The following PARN variants were observed in gnomAD, a reference collection of about 807,000 sequenced individuals.
PARN encodes the protein poly(A)-specific ribonuclease.
Under a neutral mutation model 102.8 loss-of-function variants are expected in PARN, and 71 were observed. That is an observed-to-expected ratio of 0.69 (90% confidence interval 0.57 to 0.84). PARN has a LOEUF of 0.84. Ranked by LOEUF, PARN falls within the 40% of genes least tolerant of loss-of-function variation. The pLI, the probability that PARN is intolerant of heterozygous loss-of-function variation, is 0.00. For synonymous variants in PARN, 261 were observed against 252.9 expected, an observed-to-expected ratio of 1.03 and a Z score of -0.30; for missense variants, 782 against 760.9, an observed-to-expected ratio of 1.03 and a Z score of -0.33.
At chr16:14,535,404 A>T (rs1966567770) in intron 21 of PARN, among the ~76,000 whole-genome samples, 1 of 152,234 alleles carries the variant, frequency 6.6e-6, no homozygotes, top group Admixed American at 6.5e-5. Flanking sequence ...CATCTTTTCT[A>T]AGAAAAGACA....
At chr16:14,577,131 T>C (rs1969192719) in intron 18 of PARN, among the ~76,000 whole-genome samples, 1 of 152,224 alleles carries the variant, frequency 6.6e-6, no homozygotes, top group African/African-American at 2.4e-5. Flanking sequence ...TCCACCCAAA[T>C]TTATGTTAGG....
intron 5 of PARN, among the ~76,000 whole-genome samples, chr16:14,622,188 G>C (rs755746452): frequency 7.9e-5 from 12 of 151,918 alleles, no homozygotes; most frequent in Admixed American, 6.6e-4. Context: ...GTGAGACTCC[G>C]TCTCAAAAAA....
chr16:14,533,275 G>C (rs916227778), intron 21 of PARN, among the ~76,000 whole-genome samples: 1 of 152,130 alleles, frequency 6.6e-6, no homozygotes, highest in Non-Finnish European at 1.5e-5. Flanking sequence ...GCGTGGCGGC[G>C]CGCGCCTGCA....
At chr16:14,598,733 C>A (rs1273367825) in intron 12 of PARN, among the ~76,000 whole-genome samples, 1 of 152,206 alleles carries the variant, frequency 6.6e-6, no homozygotes, top group Non-Finnish European at 1.5e-5. Context: ...GCTCTGTAAA[C>A]CTCTGTTTAT....
At chr16:14,514,857 T>C (rs960196005) in intron 21 of PARN, among the ~76,000 whole-genome samples, 2 of 152,152 alleles carry the variant, frequency 1.3e-5, no homozygotes, top group Non-Finnish European at 2.9e-5. Context: ...TGGTCTGGAA[T>C]AAGCAAGCAT....
intron 12 of PARN, among the ~76,000 whole-genome samples, chr16:14,593,686 T>C (rs1970338411): frequency 6.6e-6 from 1 of 151,932 alleles, no homozygotes; most frequent in Non-Finnish European, 1.5e-5. Flanking sequence ...AAAATTTTGA[T>C]TGAAAAGTTT....
chr16:14,617,605 T>C lies in PARN; in HGVS notation c.373A>G (p.Lys125Glu), dbSNP rs745660294. 2 of 1,570,918 alleles carry C rather than the reference T, an allele frequency of 1.3e-6. No homozygotes were observed. The highest frequency in any genetic ancestry group is 1.8e-6 in the Non-Finnish European group (2 of 1,140,702). ...FLASQGFDFN[K>E]VFRNGIPYLN... ...ATAATCTTACCATTTCGAAAAACTT[T>C]ATTAAAATCAAATCCCTGGCTTGCT... Residue 125 changes from lysine to glutamate, a missense_variant, in exon 6 of 24, where the codon AAA (lysine) becomes GAA (glutamate). Physicochemically the swap from Lys to Glu is moderately conservative, Grantham distance 56. Coordinates refer to ENST00000437198, the MANE Select transcript of PARN (RefSeq NM_002582.4).
intron 22 of PARN, among the ~76,000 whole-genome samples, chr16:14,452,989 T>C (rs1961529896): frequency 6.6e-6 from 1 of 152,272 alleles, no homozygotes; most frequent in African/African-American, 2.4e-5. Flanking sequence ...TGCGTGTGTG[T>C]AGCACTCTCA....
At chr16:14,553,256 TAAAAA>T (rs58411352) in intron 20 of PARN, among the ~76,000 whole-genome samples, 7 of 117,470 alleles carry the variant, frequency 6.0e-5, no homozygotes, top group Non-Finnish European at 1.0e-4. Flanking sequence ...TATTTCTATT[TAAAAA>T]AAAAAAAAAA....
Position 14,614,869 on chromosome 16 carries a change from A to G in PARN, c.388+2721T>C, listed in dbSNP as rs1190855234. Among the ~76,000 whole-genome samples the G allele has an allele frequency of 1.5e-4, 22 of 147,346 alleles. 1 individual carries two copies. The highest frequency in any genetic ancestry group is 1.9e-4 in the East Asian group (1 of 5,156). The stretch of plus-strand genomic sequence containing the variant: ...CTCAAAAAAAAAAAAAAAAAAAAAA[A>G]AAAAAAAAAGAAAAGAAAAGAAAAT... On this transcript the variant is annotated intron_variant, in intron 6 of 23. Coordinates refer to ENST00000437198, the MANE Select transcript of PARN (RefSeq NM_002582.4).
chr16:14,489,253 T>C lies in PARN; in HGVS notation c.1481-6426A>G, dbSNP rs116634519. 3.7e-3 allele frequency among the ~76,000 whole-genome samples: 559 copies of C among 152,172 alleles called. 5 individuals carry two copies. The highest frequency in any genetic ancestry group is 0.013 in the African/African-American group (536 of 41,516). Reference sequence around the variant, plus strand: ...ATGTAATTTATTAGTAATGTTTTAATTCTTTGGTTGAGTGGTGGTTTCACA... The same window carrying C: ...ATGTAATTTATTAGTAATGTTTTAACTCTTTGGTTGAGTGGTGGTTTCACA... On this transcript the variant is annotated intron_variant, in intron 21 of 23. Coordinates refer to ENST00000437198, the MANE Select transcript of PARN (RefSeq NM_002582.4).
At chr16:14,617,545 T>C (rs763096638) in intron 6 of PARN, 45 bp downstream of exon 6, 3 of 933,154 alleles carry the variant, frequency 3.2e-6, no homozygotes, top group Non-Finnish European at 5.4e-6. Context: ...CCAAGGATAT[T>C]TTGAAGGTTT....
chr16:14,509,705 G>A (rs550267393), intron 21 of PARN, among the ~76,000 whole-genome samples: 30 of 152,242 alleles, frequency 2.0e-4, no homozygotes, highest in African/African-American at 6.7e-4. Context: ...CATATTAACT[G>A]CACTAAACAA....
At chr16:14,617,675 T>A (rs773775876) in intron 5 of PARN, 25 bp from the exon 6 acceptor site, 9 of 1,442,984 alleles carry the variant, frequency 6.2e-6, no homozygotes. Context: ...ACAGAACACA[T>A]GTTTTGGGGA....
intron 13 of PARN, among the ~76,000 whole-genome samples, chr16:14,591,455 T>A (rs1026414196): frequency 6.6e-5 from 10 of 151,970 alleles, no homozygotes; most frequent in Admixed American, 1.3e-4. Context: ...CTATGGTCCA[T>A]AGGCCAAATA....
intron 22 of PARN, among the ~76,000 whole-genome samples, chr16:14,463,118 C>T (rs188868774): frequency 5.3e-5 from 8 of 152,322 alleles, no homozygotes; most frequent in African/African-American, 1.7e-4. Flanking sequence ...AGAACAACGC[C>T]TGTTCCCACC....
chr16:14,517,558 G>A (rs184504092), intron 21 of PARN, among the ~76,000 whole-genome samples: 145 of 152,324 alleles, frequency 9.5e-4, no homozygotes, highest in African/African-American at 3.4e-3. Flanking sequence ...AGAACGAGGA[G>A]GACATCTGAA....
intron 18 of PARN, among the ~76,000 whole-genome samples, chr16:14,576,724 G>A (rs570618982): frequency 1.3e-5 from 2 of 152,338 alleles, no homozygotes; most frequent in East Asian, 1.9e-4. Flanking sequence ...GTCATTAGCA[G>A]TGGCGTGATC....
At chr16:14,527,256 T>C (rs1212112285) in intron 21 of PARN, among the ~76,000 whole-genome samples, 3 of 152,146 alleles carry the variant, frequency 2.0e-5, no homozygotes. Context: ...ATAAATTGAG[T>C]TCCCTCTGCT....
Sources: gnomAD v4.1 joint callset for allele counts (sites outside exome capture counted in the v4.1 genomes callset) on GRCh38, gnomAD v4.1.1 for gene constraint, MANE v1.5 for transcripts, NCBI Gene and HGNC (gene_info 2026-07-23, HGNC 2026-07-21) for gene names.